The following CRY1 variants were observed in gnomAD, a reference collection of about 807,000 sequenced individuals.
The protein encoded by CRY1 is cryptochrome circadian regulator 1, also known as cryptochrome-1.
A neutral mutation model predicts 76.0 loss-of-function variants in CRY1; 45 were observed. The ratio of observed to expected loss-of-function variants is 0.59; its 90% CI spans 0.47 to 0.76. CRY1 has a LOEUF of 0.76. CRY1 is among the 30% of genes least tolerant of loss of function. CRY1 has a pLI of 0.00. For synonymous variants in CRY1, 248 were observed against 244.0 expected, an observed-to-expected ratio of 1.02 and a Z score of -0.15; for missense variants, 587 against 716.4, an observed-to-expected ratio of 0.82 and a Z score of 2.06.
Position 106,992,775 on chromosome 12 carries a change from T to G in CRY1, c.*12A>C, listed in dbSNP as rs181090390. 156 of 1,601,098 alleles carry G rather than the reference T, an allele frequency of 9.7e-5. No homozygotes were observed. The highest frequency in any genetic ancestry group is 7.8e-4 in the Admixed American group (47 of 59,960). ...TCTTCTAAAGCAAGAAATACAGCTC[T>G]AAAATATTTACCTAATTAGTGCTCT... is the stretch of plus-strand genomic sequence containing the variant. On this transcript the variant is annotated intron_variant, in intron 12 of 12. Coordinates refer to ENST00000008527, the MANE Select transcript of CRY1 (RefSeq NM_004075.5).
chr12:107,060,718 T>C (rs1483990718), intron 1 of CRY1, among the ~76,000 whole-genome samples: 5 of 152,102 alleles, frequency 3.3e-5, no homozygotes, highest in African/African-American at 4.8e-5. Context: ...GGGCCGGGTG[T>C]GGTGGCTCAC....
intron 1 of CRY1, among the ~76,000 whole-genome samples, chr12:107,052,069 C>T (rs770800971): frequency 1.3e-5 from 2 of 152,032 alleles, no homozygotes; most frequent in Non-Finnish European, 2.9e-5. Flanking sequence ...AAATTGTAAA[C>T]AACTATCCCA....
intron 3 of CRY1, among the ~76,000 whole-genome samples, chr12:107,002,950 T>C (rs1952328744): frequency 6.6e-6 from 1 of 152,228 alleles, no homozygotes; most frequent in Non-Finnish European, 1.5e-5. Context: ...CTGAGCCGTG[T>C]GGAATTGTAA....
intron 1 of CRY1, among the ~76,000 whole-genome samples, chr12:107,032,230 G>A (rs530627232): frequency 2.0e-5 from 3 of 151,512 alleles, no homozygotes; most frequent in African/African-American, 7.2e-5. Flanking sequence ...CACCACGCCC[G>A]GCCAGTACTA....
chr12:107,063,027 T>G (rs188143481), intron 1 of CRY1, among the ~76,000 whole-genome samples: 233 of 152,346 alleles, frequency 1.5e-3, no homozygotes, highest in African/African-American at 5.1e-3. Flanking sequence ...ATTTTTAAGT[T>G]AAAAATATGT....
intron 1 of CRY1, among the ~76,000 whole-genome samples, chr12:107,075,780 TA>T (rs1199181212): frequency 6.6e-6 from 1 of 152,124 alleles, no homozygotes; most frequent in East Asian, 1.9e-4. Context: ...AGTAATCTTG[TA>T]AAAAATGCTG....
chr12:107,041,389 A>C (rs868036982), intron 1 of CRY1, among the ~76,000 whole-genome samples: 7 of 152,216 alleles, frequency 4.6e-5, no homozygotes, highest in African/African-American at 1.7e-4. Context: ...ATGGTAACTA[A>C]TCTGGGTCTT....
At chr12:107,010,445 G>A (rs911900626) in intron 2 of CRY1, among the ~76,000 whole-genome samples, 3 of 152,106 alleles carry the variant, frequency 2.0e-5, no homozygotes, top group Non-Finnish European at 4.4e-5. Context: ...CAGATATTGT[G>A]CATTTTATAA....
chr12:107,091,228 T>C (rs1953468457), intron 1 of CRY1, among the ~76,000 whole-genome samples: 2 of 152,092 alleles, frequency 1.3e-5, no homozygotes, highest in African/African-American at 4.8e-5. Context: ...TCAGTATTAA[T>C]AGAGACAGGG....
intron 1 of CRY1, chr12:107,073,091 T>C (rs1953210115): frequency 6.6e-6 from 1 of 151,856 alleles, no homozygotes. Flanking sequence ...TAAATAAAAC[T>C]CTAAATGTAT....
chr12:107,040,982 T>C (rs1952792625), intron 1 of CRY1, among the ~76,000 whole-genome samples: 1 of 151,798 alleles, frequency 6.6e-6, no homozygotes, highest in African/African-American at 2.4e-5. Flanking sequence ...ACTCTCAGTC[T>C]CAAGTGATCT....
intron 2 of CRY1, among the ~76,000 whole-genome samples, chr12:107,007,970 A>G (rs1435280398): frequency 6.6e-6 from 1 of 152,236 alleles, no homozygotes; most frequent in African/African-American, 2.4e-5. Flanking sequence ...AATATCAGCC[A>G]TATTATTAGC....
intron 2 of CRY1, among the ~76,000 whole-genome samples, chr12:107,021,717 C>T (rs1438944523): frequency 1.3e-5 from 2 of 151,830 alleles, no homozygotes; most frequent in African/African-American, 4.8e-5. Flanking sequence ...TATATACACA[C>T]ACACACACAA....
At chr12:107,027,714 T>A (rs200799115) in intron 1 of CRY1, among the ~76,000 whole-genome samples, 1 of 152,308 alleles carries the variant, frequency 6.6e-6, no homozygotes, top group South Asian at 2.1e-4. Flanking sequence ...GACTTCAACA[T>A]GAATCAACAG....
intron 2 of CRY1, among the ~76,000 whole-genome samples, chr12:107,020,577 T>C (rs1392522098): frequency 6.6e-6 from 1 of 151,942 alleles, no homozygotes; most frequent in Non-Finnish European, 1.5e-5. Flanking sequence ...CCCCGCTCCT[T>C]CTCTCTTCCT....
intron 11 of CRY1, 21 bp from the exon 12 acceptor site, chr12:106,992,911 T>C (rs777089461): frequency 3.7e-6 from 6 of 1,613,728 alleles, no homozygotes; most frequent in East Asian, 4.5e-5. Context: ...AAAAAATGTA[T>C]GTTTAAGATA....
At chr12:107,066,615 G>A (rs542096152) in intron 1 of CRY1, among the ~76,000 whole-genome samples, 1 of 152,048 alleles carries the variant, frequency 6.6e-6, no homozygotes, top group South Asian at 2.1e-4. Context: ...ACAGACATGT[G>A]CCAACACATC....
At chr12:107,058,792 T>C (rs769132573) in intron 1 of CRY1, among the ~76,000 whole-genome samples, 2 of 152,230 alleles carry the variant, frequency 1.3e-5, no homozygotes, top group Non-Finnish European at 2.9e-5. Flanking sequence ...GTTGAATGAA[T>C]AAATTCTAAC....
chr12:107,079,512 G>C (rs1043500221), intron 1 of CRY1, among the ~76,000 whole-genome samples: 3 of 152,004 alleles, frequency 2.0e-5, no homozygotes, highest in Non-Finnish European at 4.4e-5. Flanking sequence ...CTTTCTTTTT[G>C]CTTAAGCCTG....
Sources: gnomAD v4.1 joint callset for allele counts (sites outside exome capture counted in the v4.1 genomes callset) on GRCh38, gnomAD v4.1.1 for gene constraint, MANE v1.5 for transcripts, NCBI Gene and HGNC (gene_info 2026-07-23, HGNC 2026-07-21) for gene names.